MAK: variants seen among roughly 807,000 people sequenced by gnomAD.
The protein encoded by MAK is serine/threonine-protein kinase MAK.
In MAK, 65 loss-of-function variants were observed where a neutral mutation model predicts 82.6. The observed-to-expected ratio is 0.79, with a 90% CI of 0.64 to 0.97. MAK has a LOEUF of 0.97. MAK is among the 50% of genes least tolerant of loss of function. The probability of loss-of-function intolerance (pLI) is 0.00; values close to 1 mark genes in which losing one functional copy is unlikely to be tolerated. For missense variants in MAK, 703 were observed against 780.2 expected (o/e 0.90, Z 1.18); for synonymous variants, 250 against 274.2 (o/e 0.91, Z 0.87).
In MAK at chr6:10,793,065, AG is replaced by A. The variant is rs1775218554; in HGVS notation, c.1144-1219del. Reference sequence around the variant, plus strand: ...GCAAATATAATACTTTTAATAAAGTAGAAGATTTATTTTTGCAAACTCCACA... The same window carrying A: ...GCAAATATAATACTTTTAATAAAGTAAAGATTTATTTTTGCAAACTCCACA... On this transcript the variant is annotated intron_variant, in intron 9 of 14. Transcript: ENST00000354489. This position sits in a 1 kb window ranked among gnomAD's most constrained non-coding sequence, Gnocchi z 4.6. 2.2e-5 allele frequency among the ~76,000 whole-genome samples: 1 copy of A among 45,480 alleles called. No individual in the cohort carries two copies. Among genetic ancestry groups the A allele is most frequent in the Non-Finnish European group, 7.1e-5 (1 of 14,078 alleles). The allele number at this position is 45,480 out of a possible 152,430, so 29.8% of individuals were successfully genotyped here.
At chr6:10,775,862 C>G (rs1357390114) in intron 11 of MAK, among the ~76,000 whole-genome samples, 2 of 152,110 alleles carry the variant, frequency 1.3e-5, no homozygotes, top group Non-Finnish European at 2.9e-5. Context: ...GATCTTGGCT[C>G]ACTGCAGCCT....
chr6:10,832,924 G>C (rs1474268332), intron 1 of MAK, among the ~76,000 whole-genome samples: 3 of 151,818 alleles, frequency 2.0e-5, no homozygotes, highest in Non-Finnish European at 4.4e-5. Flanking sequence ...CCAAAAACAT[G>C]TGTGACTTGC....
intron 13 of MAK, among the ~76,000 whole-genome samples, chr6:10,772,323 A>G (rs1278434653): frequency 6.6e-6 from 1 of 150,978 alleles, no homozygotes; most frequent in Non-Finnish European, 1.5e-5. Flanking sequence ...CTATTAACCC[A>G]GTTAACCTTT....
At chr6:10,825,268 G>T (rs1005982212) in intron 2 of MAK, among the ~76,000 whole-genome samples, 4 of 152,166 alleles carry the variant, frequency 2.6e-5, no homozygotes, top group Non-Finnish European at 5.9e-5. Context: ...TGGGTACAAT[G>T]TTGAGCCATT....
In MAK at chr6:10,796,211, T is replaced by C; in HGVS notation, c.930A>G (p.Leu310=). Residue 310 remains leucine (L), a synonymous_variant, in exon 9 of 15, where the codon TTA becomes TTG. Transcript: ENST00000354489. ...CCTCAACTAAAGATGGCTTTGATTC[T>C]AATGGTTGCAGCTGCTTATTTAAAG... ...KQSLNKQLQP[L]ESKPSLVEVE... is the part of the protein sequence containing the mutation. 1 of 1,614,182 alleles carries C rather than the reference T, an allele frequency of 6.2e-7. No homozygotes were observed.
intron 1 of MAK, among the ~76,000 whole-genome samples, chr6:10,834,479 A>AT (rs2127593542): frequency 6.6e-6 from 1 of 152,264 alleles, no homozygotes; most frequent in African/African-American, 2.4e-5. Flanking sequence ...ACTATCCCTA[A>AT]TGAGGCTAAA....
At chr6:10,832,698 C>A (rs1323824767) in intron 1 of MAK, among the ~76,000 whole-genome samples, 1 of 152,162 alleles carries the variant, frequency 6.6e-6, no homozygotes, top group Non-Finnish European at 1.5e-5. Flanking sequence ...AGGGTTTCAC[C>A]ACGTTGGACA....
chr6:10,821,470 T>G (rs1777932784), intron 2 of MAK, among the ~76,000 whole-genome samples: 1 of 151,164 alleles, frequency 6.6e-6, no homozygotes, highest in Non-Finnish European at 1.5e-5. Context: ...CAGATGCGGT[T>G]TTGCCATGTT....
intron 7 of MAK, among the ~76,000 whole-genome samples, chr6:10,803,197 G>A (rs1266453596): frequency 6.6e-6 from 1 of 152,138 alleles, no homozygotes; most frequent in African/African-American, 2.4e-5. Flanking sequence ...TCTTCAGCTG[G>A]TGGGATTCTG....
chr6:10,782,202 T>TCACACA lies in MAK; in HGVS notation c.1465+2216_1465+2221dup, dbSNP rs746386493. ...AGCCTGGGCAACGAGTGAAACTCTG[T>TCACACA]CACACACACACACACACACACACAC... is the stretch of plus-strand genomic sequence containing the variant. On this transcript the variant is annotated intron_variant, in intron 11 of 14. Coordinates refer to ENST00000354489, the MANE Select transcript of MAK (RefSeq NM_001242957.3). 2.3e-3 allele frequency among the ~76,000 whole-genome samples: 331 copies of TCACACA among 146,136 alleles called. 1 individual carries two copies. The highest frequency in any genetic ancestry group is 3.1e-3 in the African/African-American group (124 of 39,518).
intron 8 of MAK, among the ~76,000 whole-genome samples, chr6:10,796,692 GTT>G (rs1219108379): frequency 6.6e-6 from 1 of 151,706 alleles, no homozygotes; most frequent in Non-Finnish European, 1.5e-5. Context: ...TGTAACCCCA[GTT>G]ATACGGGAGG....
At chr6:10,775,825 G>C (rs1183462484) in intron 11 of MAK, among the ~76,000 whole-genome samples, 2 of 152,128 alleles carry the variant, frequency 1.3e-5, no homozygotes, top group Non-Finnish European at 2.9e-5. Flanking sequence ...GTCTCTCTCT[G>C]TCGTCCAGGC....
rs976385937 is a variant in MAK, at chr6:10,784,695, G to A, written c.1317-123C>T. ...CCAGTCAATCTGACCTCACTTAAAT[G>A]GTTTCCATCAGTCTTTTGGCTAAGT... On this transcript the variant is annotated intron_variant, in intron 10 of 14. Transcript: ENST00000354489. 8 of 823,934 alleles carry A rather than the reference G, an allele frequency of 9.7e-6. No individual in the cohort carries two copies. In the African/African-American group the frequency reaches 1.3e-4, roughly 14 times the overall value. 51.0% of individuals were successfully genotyped at this position (823,934 alleles called of 1,614,324 possible). A position where few individuals can be genotyped will look rare whatever the true frequency, so the allele number is the denominator to read the frequency against.
chr6:10,785,408 A>C (rs539620969), intron 10 of MAK, among the ~76,000 whole-genome samples: 80 of 152,274 alleles, frequency 5.3e-4, no homozygotes, highest in Middle Eastern at 6.8e-3. Context: ...CTGGGGCCTG[A>C]ATATACTGCC....
At chr6:10,785,228 G>A (rs553875919) in intron 10 of MAK, among the ~76,000 whole-genome samples, 4 of 152,170 alleles carry the variant, frequency 2.6e-5, no homozygotes, top group Admixed American at 2.0e-4. Flanking sequence ...TTTCTGCTTC[G>A]AGGCTTAGTT....
intron 12 of MAK, among the ~76,000 whole-genome samples, chr6:10,774,272 T>C (rs887571347): frequency 7.2e-5 from 11 of 152,220 alleles, no homozygotes; most frequent in Non-Finnish European, 1.2e-4. Flanking sequence ...CAATGATTCA[T>C]TGTATATAAT....
Position 10,786,360 on chromosome 6 carries a change from G to A in MAK, c.1317-1788C>T, listed in dbSNP as rs182753558. Among the ~76,000 whole-genome samples the A allele has an allele frequency of 6.6e-5, 10 of 152,262 alleles. No individual in the cohort carries two copies. The East Asian group carries it at 1.9e-3, about 29-fold the overall frequency. ...CCTGGCTGCCTGAGAGACCAAGCAG[G>A]GGATGGCAGGGTCTGTTCAATGCAC... On this transcript the variant is annotated intron_variant, in intron 10 of 14. Transcript: ENST00000354489.
intron 9 of MAK, 100 bp downstream of exon 9, chr6:10,795,898 T>C: frequency 1.5e-6 from 2 of 1,322,522 alleles, no homozygotes; most frequent in Middle Eastern, 1.8e-4. Flanking sequence ...CAAAGAAAAA[T>C]CTTTTATATC....
chr6:10,775,560 A>C (rs1773394212), intron 11 of MAK, 101 bp from the exon 12 acceptor site: 3 of 1,283,814 alleles, frequency 2.3e-6, no homozygotes, highest in Non-Finnish European at 3.4e-6. Flanking sequence ...CACCTTGGAC[A>C]GGAGAATGGA....
Sources: allele counts gnomAD v4.1 joint callset (sites outside exome capture counted in the v4.1 genomes callset), GRCh38; gene constraint gnomAD v4.1.1; non-coding constraint Gnocchi (gnomAD v3.1); transcripts MANE v1.5; gene names NCBI Gene and HGNC (gene_info 2026-07-23, HGNC 2026-07-21).